S100A3: variants seen among roughly 807,000 people sequenced by gnomAD.
S100A3 encodes protein S100-A3.
S100A3 carries 11 observed loss-of-function variants against 8.0 expected under a neutral mutation model. That is an observed-to-expected ratio of 1.37 (90% confidence interval 0.86 to 2.27). The LOEUF (loss-of-function observed/expected upper bound fraction) is 2.27. Among genes scored for constraint, S100A3 ranks in the 30% most tolerant of loss-of-function variants. S100A3 has a pLI of 0.00. For missense variants in S100A3, 124 were observed against 127.1 expected (o/e 0.98, Z 0.12); for synonymous variants, 43 against 49.6 (o/e 0.87, Z 0.56).
intron 2 of S100A3, 40 bp downstream of exon 2, chr1:153,548,305 C>T (rs1456225166): frequency 4.3e-6 from 7 of 1,609,950 alleles, no homozygotes; most frequent in Non-Finnish European, 5.1e-6. Flanking sequence ...GGCAGTGCCT[C>T]CCCCCGGAGG....
In S100A3 at chr1:153,548,449, C is replaced by G. The variant is rs200355997; in HGVS notation, c.37G>C (p.Val13Leu). 2.5e-6 allele frequency: 4 copies of G among 1,608,736 alleles called. No homozygotes were observed. The highest frequency in any genetic ancestry group is 3.4e-6 in the Non-Finnish European group (4 of 1,176,334). Residue 13 changes from valine (V) to leucine (L), a missense_variant, in exon 2 of 3, where the codon GTG (valine) becomes CTG (leucine). Val to Leu is a conservative substitution (Grantham distance 32). Coordinates refer to ENST00000368713, the MANE Select transcript of S100A3 (RefSeq NM_002960.2). ...RPLEQAVAAI[V>L]CTFQEYAGRC... ...CCTGCGTATTCCTGGAAGGTGCACA[C>G]GATGGCAGCTACCGCCTGCTCCAGA...
At position 153,548,499 on chromosome 1, in the gene S100A3, G is replaced by C; in HGVS notation, c.-5-9C>G. On this transcript the variant is annotated splice_polypyrimidine_tract_variant and intron_variant, in intron 1 of 2. Coordinates refer to ENST00000368713, the MANE Select transcript of S100A3 (RefSeq NM_002960.2). ...AGGCCTGGCCATCCTCACTGTCACA[G>C]AACAAGGGTGTGGCTCACAGCAGAG... 2 of 1,570,194 alleles carry C rather than the reference G, an allele frequency of 1.3e-6. No homozygotes were observed. Among genetic ancestry groups the C allele is most frequent in the Non-Finnish European group, 1.7e-6 (2 of 1,154,776 alleles).
Position 153,547,384 on chromosome 1 carries a change from T to G in S100A3, c.*298A>C. 2 of 346,042 alleles carry G rather than the reference T, an allele frequency of 5.8e-6. No individual in the cohort carries two copies. The highest frequency in any genetic ancestry group is 4.8e-5 in the East Asian group (1 of 20,638). 21.4% of individuals were successfully genotyped at this position (346,042 alleles called of 1,614,324 possible). On this transcript the variant is annotated 3_prime_UTR_variant, in exon 3 of 3. Transcript: ENST00000368713. The surrounding 1 kb of genome is among the most constrained non-coding windows in gnomAD (Gnocchi z 4.0). ...TAGGCCCTTTCCCATCGTGGTCTCA[T>G]TGGTGCACGCTCTGCTGAGCCTCGA...
At chr1:153,548,303 C>G (rs775157812) in intron 2 of S100A3, 42 bp downstream of exon 2, 18 of 1,610,606 alleles carry the variant, frequency 1.1e-5, no homozygotes, top group Non-Finnish European at 1.4e-5. Context: ...TAGGCAGTGC[C>G]TCCCCCCGGA....
rs1284311121 is a variant in S100A3 at position 153,547,686 on chromosome 1, T to C, written c.302A>G (p.Gln101Arg). 1 of 1,613,494 alleles carries C rather than the reference T, an allele frequency of 6.2e-7. No homozygotes were observed. The highest frequency in any genetic ancestry group is 8.5e-7 in the Non-Finnish European group (1 of 1,179,652). ...KDCPSEPPCS[Q>R] ...GCGCACCCCCTGGAGCAGAGGCTAC[T>C]GGGAGCAGGGGGGCTCTGAGGGGCA... The change falls in exon 3 of 3, where the codon CAG becomes CGG. Residue 101 changes from glutamine to arginine, a missense_variant. Transcript: ENST00000368713. The surrounding 1 kb of genome is among the most constrained non-coding windows in gnomAD (Gnocchi z 4.0).
chr1:153,547,690 A>G lies in S100A3; in HGVS notation c.298T>C (p.Ser100Pro), dbSNP rs1172193604. 6.2e-7 allele frequency: 1 copy of G among 1,613,660 alleles called. No individual in the cohort carries two copies. Among genetic ancestry groups the G allele is most frequent in the East Asian group, 2.2e-5 (1 of 44,864 alleles). The stretch of plus-strand genomic sequence containing the variant: ...ACCCCCTGGAGCAGAGGCTACTGGG[A>G]GCAGGGGGGCTCTGAGGGGCAGTCC... Reference protein sequence around the residue: ...FKDCPSEPPCSQ With the variant: ...FKDCPSEPPCPQ The change falls in exon 3 of 3, where the codon TCC becomes CCC. Residue 100 changes from serine to proline, a missense_variant. By Grantham distance (74) the Ser-to-Pro change is moderately conservative. Transcript: ENST00000368713. This position sits in a 1 kb window ranked among gnomAD's most constrained non-coding sequence, Gnocchi z 4.0.
Position 153,547,648 on chromosome 1 carries a change from CCCCCGACAGCCAGCGCA to C in S100A3, c.*17_*33del. On this transcript the variant is annotated 3_prime_UTR_variant, in exon 3 of 3. Transcript: ENST00000368713. The surrounding 1 kb of genome is among the most constrained non-coding windows in gnomAD (Gnocchi z 4.0). ...GAGGGGGTGTGGGAGACATGCCCAGCCCCCGACAGCCAGCGCACCCCCTGGAGCAGAGGCTACTGGGA... is the reference window on the plus strand; with the variant it reads ...GAGGGGGTGTGGGAGACATGCCCAGCCCCCCTGGAGCAGAGGCTACTGGGA... 6.2e-7 allele frequency: 1 copy of C among 1,605,646 alleles called. No homozygotes were observed. The highest frequency in any genetic ancestry group is 8.5e-7 in the Non-Finnish European group (1 of 1,174,994).
rs773858478 is a variant in S100A3, at chr1:153,547,886, T to G, written c.142-40A>C. On this transcript the variant is annotated intron_variant, in intron 2 of 2. Coordinates refer to ENST00000368713, the MANE Select transcript of S100A3 (RefSeq NM_002960.2). The surrounding 1 kb of genome is among the most constrained non-coding windows in gnomAD (Gnocchi z 4.0). Reference sequence around the variant, plus strand: ...GGTTGGGAGAGGTAAGGGAGTAGGATGAGGAGGGCAGAACAGCCTCACACG... The same window carrying G: ...GGTTGGGAGAGGTAAGGGAGTAGGAGGAGGAGGGCAGAACAGCCTCACACG... 1 of 1,591,020 alleles carries G rather than the reference T, an allele frequency of 6.3e-7. No homozygotes were observed. Among genetic ancestry groups the G allele is most frequent in the Admixed American group, 1.7e-5 (1 of 59,342 alleles).
chr1:153,548,495 C>A lies in S100A3; in HGVS notation c.-5-5G>T. ...CCAGAGGCCTGGCCATCCTCACTGTCACAGAACAAGGGTGTGGCTCACAGC... is the reference window on the plus strand; with the variant it reads ...CCAGAGGCCTGGCCATCCTCACTGTAACAGAACAAGGGTGTGGCTCACAGC... On this transcript the variant is annotated splice_region_variant and splice_polypyrimidine_tract_variant and intron_variant, in intron 1 of 2. Coordinates refer to ENST00000368713, the MANE Select transcript of S100A3 (RefSeq NM_002960.2). 1.3e-6 allele frequency: 2 copies of A among 1,578,314 alleles called. No individual in the cohort carries two copies. Among genetic ancestry groups the A allele is most frequent in the Non-Finnish European group, 1.7e-6 (2 of 1,159,180 alleles).
chr1:153,548,651 C>T (rs184659073), intron 1 of S100A3, among the ~76,000 whole-genome samples, 161 bp from the exon 2 acceptor site: 107 of 152,196 alleles, frequency 7.0e-4, no homozygotes, highest in African/African-American at 2.6e-3. Context: ...CCCTCCCAGA[C>T]CACACCAGCC....
At position 153,547,655 on chromosome 1, in the gene S100A3, C is replaced by T. The variant is rs760600011; in HGVS notation, c.*27G>A. ...TGTGGGAGACATGCCCAGCCCCCGACAGCCAGCGCACCCCCTGGAGCAGAG... is the reference window on the plus strand; with the variant it reads ...TGTGGGAGACATGCCCAGCCCCCGATAGCCAGCGCACCCCCTGGAGCAGAG... On this transcript the variant is annotated 3_prime_UTR_variant, in exon 3 of 3. Coordinates refer to ENST00000368713, the MANE Select transcript of S100A3 (RefSeq NM_002960.2). The surrounding 1 kb of genome is among the most constrained non-coding windows in gnomAD (Gnocchi z 4.0). 8.7e-6 allele frequency: 14 copies of T among 1,608,296 alleles called. 1 individual carries two copies. In the South Asian group the frequency reaches 1.3e-4, roughly 15 times the overall value.
At chr1:153,548,535 G>GC (rs777750936) in intron 1 of S100A3, 45 bp from the exon 2 acceptor site, 10 of 1,533,654 alleles carry the variant, frequency 6.5e-6, no homozygotes, top group Middle Eastern at 1.8e-4. Context: ...TTCCAGGCCA[G>GC]CCCCCCAGCT....
At position 153,547,418 on chromosome 1, in the gene S100A3, G is replaced by A; in HGVS notation, c.*264C>T. 1 of 471,230 alleles carries A rather than the reference G, an allele frequency of 2.1e-6. No homozygotes were observed. Among genetic ancestry groups the A allele is most frequent in the Non-Finnish European group, 3.8e-6 (1 of 261,906 alleles). The allele number at this position is 471,230 out of a possible 1,614,324, so 29.2% of individuals were successfully genotyped here. ...GCTCTGCTGAGCCTCGAGGGCCTCA[G>A]AGCAGATCCCGCCTCCTCCCATCCA... On this transcript the variant is annotated 3_prime_UTR_variant, in exon 3 of 3. Coordinates refer to ENST00000368713, the MANE Select transcript of S100A3 (RefSeq NM_002960.2). This position sits in a 1 kb window ranked among gnomAD's most constrained non-coding sequence, Gnocchi z 4.0.
chr1:153,547,969 G>C lies in S100A3; in HGVS notation c.142-123C>G. ...ACCCCACCCCAAACTACACCCTTCT[G>C]AGGGCCGACTTCAACCTCCCTGCTC... On this transcript the variant is annotated intron_variant, in intron 2 of 2. Transcript: ENST00000368713. This position sits in a 1 kb window ranked among gnomAD's most constrained non-coding sequence, Gnocchi z 4.0. 9.8e-7 allele frequency: 1 copy of C among 1,016,520 alleles called. No homozygotes were observed. Among genetic ancestry groups the C allele is most frequent in the Non-Finnish European group, 1.5e-6 (1 of 683,966 alleles). The allele number at this position is 1,016,520 out of a possible 1,614,324, so 63.0% of individuals were successfully genotyped here.
intron 2 of S100A3, among the ~76,000 whole-genome samples, 197 bp downstream of exon 2, chr1:153,548,148 T>C (rs530018190): frequency 6.6e-6 from 1 of 152,278 alleles, no homozygotes; most frequent in Admixed American, 6.5e-5. Flanking sequence ...GCAGCAGGGA[T>C]GATTGTCATC....
At position 153,547,540 on chromosome 1, in the gene S100A3, TG is replaced by T; in HGVS notation, c.*141del. On this transcript the variant is annotated 3_prime_UTR_variant, in exon 3 of 3. Coordinates refer to ENST00000368713, the MANE Select transcript of S100A3 (RefSeq NM_002960.2). The surrounding 1 kb of genome is among the most constrained non-coding windows in gnomAD (Gnocchi z 4.0). ...CCTGAGGAAGGAGCCCTCACATCTC[TG>T]GGCCTCCTAGGTAAAATGGGTTAAC... 1.0e-6 allele frequency: 1 copy of T among 963,570 alleles called. No homozygotes were observed. Among genetic ancestry groups the T allele is most frequent in the Non-Finnish European group, 1.5e-6 (1 of 663,324 alleles). The allele number at this position is 963,570 out of a possible 1,614,324, so 59.7% of individuals were successfully genotyped here. A position where few individuals can be genotyped will look rare whatever the true frequency, so the allele number is the denominator to read the frequency against.
In S100A3 at chr1:153,548,509, G is replaced by A. The variant is rs1665640427; in HGVS notation, c.-5-19C>T. The stretch of plus-strand genomic sequence containing the variant: ...ATCCTCACTGTCACAGAACAAGGGT[G>A]TGGCTCACAGCAGAGTTCCAGGCCA... On this transcript the variant is annotated intron_variant, in intron 1 of 2. Transcript: ENST00000368713. 8.3e-6 allele frequency: 13 copies of A among 1,559,156 alleles called. No homozygotes were observed. In the South Asian group the frequency reaches 1.3e-4, roughly 16 times the overall value.
chr1:153,548,713 C>T (rs1471293685), intron 1 of S100A3, among the ~76,000 whole-genome samples: 4 of 152,104 alleles, frequency 2.6e-5, no homozygotes, highest in Non-Finnish European at 5.9e-5. Flanking sequence ...ATGTAGAGGT[C>T]TCATTGCCCC....
Position 153,548,426 on chromosome 1 carries a change from T to C in S100A3, c.60A>G (p.Ala20=). Residue 20 remains alanine (A), a synonymous_variant, in exon 2 of 3, where the codon GCA becomes GCG. Transcript: ENST00000368713. The part of the protein sequence containing the change: ...AAIVCTFQEY[A]GRCGDKYKLC... ...GCTTGTATTTGTCCCCACAGCGCCC[T>C]GCGTATTCCTGGAAGGTGCACACGA... 6.2e-7 allele frequency: 1 copy of C among 1,613,252 alleles called. No individual in the cohort carries two copies. The highest frequency in any genetic ancestry group is 8.5e-7 in the Non-Finnish European group (1 of 1,179,596).
Sources: allele counts gnomAD v4.1 joint callset (sites outside exome capture counted in the v4.1 genomes callset), GRCh38; gene constraint gnomAD v4.1.1; non-coding constraint Gnocchi (gnomAD v3.1); transcripts MANE v1.5; gene names NCBI Gene and HGNC (gene_info 2026-07-23, HGNC 2026-07-21).